Variants in FAM181B observed in about 807,000 individuals in gnomAD.
FAM181B encodes protein FAM181B.
In FAM181B, 13 loss-of-function variants were observed where a neutral mutation model predicts 17.8. That is an observed-to-expected ratio of 0.73 (90% CI 0.48 to 1.16). FAM181B has a LOEUF of 1.16. Among genes scored for constraint, FAM181B ranks in the 50% most tolerant of loss-of-function variants. The pLI, the probability that FAM181B is intolerant of heterozygous loss-of-function variation, is 0.00. For missense variants in FAM181B, 725 were observed against 634.1 expected (o/e 1.14, Z -1.54); for synonymous variants, 338 against 316.5 (o/e 1.07, Z -0.72).
At position 82,732,445 on chromosome 11, in the gene FAM181B, G is replaced by C; in HGVS notation, c.*4C>G. On this transcript the variant is annotated 3_prime_UTR_variant, in exon 1 of 1. Transcript: ENST00000329203. ...TCTCTAATGAAGGGAAGCGTGCCTC[G>C]AAGTCAGTCCCGGTGCGCCCCCTCC... 1 of 1,612,380 alleles carries C rather than the reference G, an allele frequency of 6.2e-7. No individual in the cohort carries two copies. Among genetic ancestry groups the C allele is most frequent in the South Asian group, 1.1e-5 (1 of 90,988 alleles).
In FAM181B at chr11:82,733,162, C is replaced by T; in HGVS notation, c.568G>A (p.Ala190Thr). ...EPAGGEVAAPAAGLGGAGTGG... is the reference protein window; with the variant it reads ...EPAGGEVAAPTAGLGGAGTGG... ...GTGCCCGCACCTCCTAGCCCGGCCG[C>T]CGGCGCAGCCACCTCACCCCCCGCC... Residue 190 changes from alanine (A) to threonine (T), a missense_variant, in exon 1 of 1, where the codon GCG becomes ACG. Transcript: ENST00000329203. The T allele has an allele frequency of 7.1e-7, 1 of 1,399,934 alleles. No individual in the cohort carries two copies. Among genetic ancestry groups the T allele is most frequent in the Non-Finnish European group, 9.2e-7 (1 of 1,085,392 alleles). The allele number at this position is 1,399,934 out of a possible 1,614,324, so 86.7% of individuals were successfully genotyped here. A position where few individuals can be genotyped will look rare whatever the true frequency, so the allele number is the denominator to read the frequency against.
At position 82,733,143 on chromosome 11, in the gene FAM181B, G is replaced by T. The variant is rs1437690931; in HGVS notation, c.587C>A (p.Ala196Glu). Residue 196 changes from alanine (A) to glutamate (E), a missense_variant, in exon 1 of 1, where the codon GCG (alanine) becomes GAG (glutamate). By Grantham distance (107) the Ala-to-Glu change is moderately radical. Transcript: ENST00000329203. ...VAAPAAGLGG[A>E]GTGGAGGDVA... ...GTCCCCTCCCGCGCCCCCAGTGCCC[G>T]CACCTCCTAGCCCGGCCGCCGGCGC... The T allele has an allele frequency of 4.1e-6, 6 of 1,446,436 alleles. No homozygotes were observed. The highest frequency in any genetic ancestry group is 5.5e-5 in the Admixed American group (2 of 36,564). 89.6% of individuals were successfully genotyped at this position (1,446,436 alleles called of 1,614,324 possible). A position where few individuals can be genotyped will look rare whatever the true frequency, so the allele number is the denominator to read the frequency against.
chr11:82,730,488 T>C lies in FAM181B; in HGVS notation c.*1961A>G, dbSNP rs1591001445. ...TTAATGTTTTCCTACTGTGCAAGTG[T>C]ATCCTGGATTGTATTCACAACAGTT... On this transcript the variant is annotated 3_prime_UTR_variant, in exon 1 of 1. Coordinates refer to ENST00000329203, the MANE Select transcript of FAM181B (RefSeq NM_175885.4). 1 of 152,378 alleles carries C rather than the reference T, an allele frequency of 6.6e-6. No individual in the cohort carries two copies. Among genetic ancestry groups the C allele is most frequent in the East Asian group, 1.9e-4 (1 of 5,192 alleles). The allele number at this position is 152,378 out of a possible 1,614,324, so 9.4% of individuals were successfully genotyped here.
chr11:82,732,935 A>C lies in FAM181B; in HGVS notation c.795T>G (p.Phe265Leu). ...LEKGAEAVEF[F>L]ELLGPDYGAG... ...CGCCGTAGTCGGGCCCCAGCAGCTC[A>C]AAGAACTCCACGGCCTCCGCGCCCT... Residue 265 changes from phenylalanine (F) to leucine (L), a missense_variant, in exon 1 of 1, where the codon TTT becomes TTG. By Grantham distance (22) the Phe-to-Leu change is conservative. Transcript: ENST00000329203. 6.3e-7 allele frequency: 1 copy of C among 1,576,726 alleles called. No individual in the cohort carries two copies. Among genetic ancestry groups the C allele is most frequent in the Non-Finnish European group, 8.6e-7 (1 of 1,167,388 alleles).
At position 82,733,705 on chromosome 11, in the gene FAM181B, T is replaced by A; in HGVS notation, c.25A>T (p.Ser9Cys). 6.9e-7 allele frequency: 1 copy of A among 1,458,276 alleles called. No homozygotes were observed. Among genetic ancestry groups the A allele is most frequent in the Non-Finnish European group, 9.0e-7 (1 of 1,105,466 alleles). 90.3% of individuals were successfully genotyped at this position (1,458,276 alleles called of 1,614,324 possible). A position where few individuals can be genotyped will look rare whatever the true frequency, so the allele number is the denominator to read the frequency against. Residue 9 changes from serine (S) to cysteine (C), a missense_variant, in exon 1 of 1, where the codon AGC becomes TGC. Transcript: ENST00000329203. MAVQAALL[S>C]THPFVPFGFG... is the part of the protein sequence containing the mutation. The stretch of plus-strand genomic sequence containing the variant: ...CCGAAGGGCACGAAAGGGTGCGTGC[T>A]GAGGAGCGCCGCCTGCACCGCCATC...
In FAM181B at chr11:82,733,391, G is replaced by A; in HGVS notation, c.339C>T (p.Pro113=). 1.4e-6 allele frequency: 2 copies of A among 1,466,496 alleles called. No individual in the cohort carries two copies. The highest frequency in any genetic ancestry group is 1.3e-5 in the South Asian group (1 of 76,044). 90.8% of individuals were successfully genotyped at this position (1,466,496 alleles called of 1,614,324 possible). A position where few individuals can be genotyped will look rare whatever the true frequency, so the allele number is the denominator to read the frequency against. ...RCSGLMGAAP[P]GPPSPSAADT... ...CGGCGGCGCTCGGGGAGGGCGGGCC[G>A]GGGGGCGCGGCGCCCATGAGGCCGC... is the stretch of plus-strand genomic sequence containing the variant. Residue 113 remains proline (P), a synonymous_variant, in exon 1 of 1, where the codon CCC becomes CCT. Coordinates refer to ENST00000329203, the MANE Select transcript of FAM181B (RefSeq NM_175885.4).
Position 82,733,531 on chromosome 11 carries a change from G to A in FAM181B, c.199C>T (p.Leu67Phe). The part of the protein sequence containing the change: ...GDVREATRDL[L>F]SFIDSASSNI... ...CTGGACGCCGAGTCAATGAAGCTGA[G>A]TAGATCGCGGGTGGCCTCGCGCACG... Residue 67 changes from leucine to phenylalanine, a missense_variant, in exon 1 of 1, where the codon CTC becomes TTC. By Grantham distance (22) the Leu-to-Phe change is conservative. Coordinates refer to ENST00000329203, the MANE Select transcript of FAM181B (RefSeq NM_175885.4). 6.2e-7 allele frequency: 1 copy of A among 1,609,084 alleles called. No homozygotes were observed. Among genetic ancestry groups the A allele is most frequent in the Non-Finnish European group, 8.5e-7 (1 of 1,179,244 alleles).
rs1323928096 is a variant in FAM181B, at chr11:82,730,307, G to C, written c.*2142C>G. 6.6e-6 allele frequency: 1 copy of C among 152,220 alleles called. No homozygotes were observed. Among genetic ancestry groups the C allele is most frequent in the Non-Finnish European group, 1.5e-5 (1 of 68,048 alleles). 9.4% of individuals were successfully genotyped at this position (152,220 alleles called of 1,614,324 possible). ...TCAGTGAGTTAGCTTAAATGCCTGG[G>C]ATGCGGAAACAATGTTGATATTATT... On this transcript the variant is annotated 3_prime_UTR_variant, in exon 1 of 1. Transcript: ENST00000329203.
Position 82,733,793 on chromosome 11 carries a change from C to G in FAM181B, c.-64G>C. 2 of 1,206,712 alleles carry G rather than the reference C, an allele frequency of 1.7e-6. No individual in the cohort carries two copies. The highest frequency in any genetic ancestry group is 1.0e-6 in the Non-Finnish European group (1 of 968,578). The allele number at this position is 1,206,712 out of a possible 1,614,324, so 74.8% of individuals were successfully genotyped here. The stretch of plus-strand genomic sequence containing the variant: ...GCCCCCGCCAGCTCCTGCCCGCCGC[C>G]CAGACCCAGCTCCCGCCCCGGCGCG... On this transcript the variant is annotated 5_prime_UTR_variant, in exon 1 of 1. Coordinates refer to ENST00000329203, the MANE Select transcript of FAM181B (RefSeq NM_175885.4).
At position 82,733,504 on chromosome 11, in the gene FAM181B, T is replaced by C. The variant is rs1326556239; in HGVS notation, c.226A>G (p.Asn76Asp). ...LLSFIDSASSNIKLALDKPGK... is the reference protein window; with the variant it reads ...LLSFIDSASSDIKLALDKPGK... ...GGCTTGTCCAGCGCCAGCTTGATGT[T>C]GCTGGACGCCGAGTCAATGAAGCTG... is the stretch of plus-strand genomic sequence containing the variant. Residue 76 changes from asparagine to aspartate, a missense_variant, in exon 1 of 1, where the codon AAC (asparagine) becomes GAC (aspartate). Transcript: ENST00000329203. 2 of 1,608,232 alleles carry C rather than the reference T, an allele frequency of 1.2e-6. No individual in the cohort carries two copies. Among genetic ancestry groups the C allele is most frequent in the East Asian group, 2.2e-5 (1 of 44,602 alleles).
Position 82,730,103 on chromosome 11 carries a change from A to C in FAM181B, c.*2346T>G, listed in dbSNP as rs1857113008. 1 of 152,150 alleles carries C rather than the reference A, an allele frequency of 6.6e-6. No homozygotes were observed. 9.4% of individuals were successfully genotyped at this position (152,150 alleles called of 1,614,324 possible). A position where few individuals can be genotyped will look rare whatever the true frequency, so the allele number is the denominator to read the frequency against. ...AAGTGCCACACTTTATAACCATCAG[A>C]TCTCATGAGAACTCCCTCACTATCA... On this transcript the variant is annotated 3_prime_UTR_variant, in exon 1 of 1. Coordinates refer to ENST00000329203, the MANE Select transcript of FAM181B (RefSeq NM_175885.4).
In FAM181B at chr11:82,732,838, G is replaced by A; in HGVS notation, c.892C>T (p.Arg298Trp). The change falls in exon 1 of 1, where the codon CGG (arginine) becomes TGG (tryptophan). Residue 298 changes from arginine (R) to tryptophan (W), a missense_variant. By Grantham distance (101) the Arg-to-Trp change is moderately radical. Coordinates refer to ENST00000329203, the MANE Select transcript of FAM181B (RefSeq NM_175885.4). ...CCGGGCTCCAGCTCCGGGGGTCCCC[G>A]CAGTACGGAGGCTCCGGCGGGGAAC... ...DVFPAGASVLRGPPELEPGLF... is the reference protein window; with the variant it reads ...DVFPAGASVLWGPPELEPGLF... 6.5e-7 allele frequency: 1 copy of A among 1,534,242 alleles called. No individual in the cohort carries two copies. Among genetic ancestry groups the A allele is most frequent in the South Asian group, 1.2e-5 (1 of 82,040 alleles).
rs779968719 is a variant in FAM181B, at chr11:82,733,674, C to T, written c.56G>A (p.Gly19Glu). 2 of 1,543,930 alleles carry T rather than the reference C, an allele frequency of 1.3e-6. No homozygotes were observed. Among genetic ancestry groups the T allele is most frequent in the South Asian group, 1.2e-5 (1 of 83,878 alleles). The change falls in exon 1 of 1, where the codon GGG becomes GAG. Residue 19 changes from glycine (G) to glutamate (E), a missense_variant. Physicochemically the swap from Gly to Glu is moderately conservative, Grantham distance 98. Coordinates refer to ENST00000329203, the MANE Select transcript of FAM181B (RefSeq NM_175885.4). ...STHPFVPFGF[G>E]GSPDGLGGAF... is the part of the protein sequence containing the mutation. ...GCCCCCTAGCCCGTCCGGGGAGCCC[C>T]CGAAGCCGAAGGGCACGAAAGGGTG...
chr11:82,732,829 G>C lies in FAM181B; in HGVS notation c.901C>G (p.Pro301Ala). The C allele has an allele frequency of 6.5e-7, 1 of 1,527,130 alleles. No individual in the cohort carries two copies. The highest frequency in any genetic ancestry group is 8.8e-7 in the Non-Finnish European group (1 of 1,136,914). 94.6% of individuals were successfully genotyped at this position (1,527,130 alleles called of 1,614,324 possible). The stretch of plus-strand genomic sequence containing the variant: ...TCAAAGAGGCCGGGCTCCAGCTCCG[G>C]GGGTCCCCGCAGTACGGAGGCTCCG... Reference protein sequence around the residue: ...PAGASVLRGPPELEPGLFEPP... With the variant: ...PAGASVLRGPAELEPGLFEPP... The change falls in exon 1 of 1, where the codon CCG becomes GCG. Residue 301 changes from proline (P) to alanine (A), a missense_variant. Pro to Ala is a conservative substitution (Grantham distance 27). Coordinates refer to ENST00000329203, the MANE Select transcript of FAM181B (RefSeq NM_175885.4).
In FAM181B at chr11:82,733,098, GC is replaced by G; in HGVS notation, c.631del (p.Ala211ProfsTer40). 6.7e-7 allele frequency: 1 copy of G among 1,490,336 alleles called. No homozygotes were observed. The highest frequency in any genetic ancestry group is 1.3e-5 in the South Asian group (1 of 77,810). 92.3% of individuals were successfully genotyped at this position (1,490,336 alleles called of 1,614,324 possible). Reference sequence around the variant, plus strand: ...CTTCCTGGCCCCTGGGATCGCCGTGGCCCCCGCGGGGCCTGCCACGTCCCCT... The same window carrying G: ...CTTCCTGGCCCCTGGGATCGCCGTGGCCCCGCGGGGCCTGCCACGTCCCCT... ...AGGDVAGPAG[A>X]TAIPGARKVP... On this transcript the variant is annotated frameshift_variant, in exon 1 of 1. Transcript: ENST00000329203. LOFTEE classifies it high-confidence loss of function.
At position 82,732,314 on chromosome 11, in the gene FAM181B, TTTA is replaced by T; in HGVS notation, c.*132_*134del. On this transcript the variant is annotated 3_prime_UTR_variant, in exon 1 of 1. Transcript: ENST00000329203. ...TTCATCTCTTTTTTCTGAAGTTGCT[TTTA>T]TTAATTGAATTTTTAAAAATCTGGT... 1.2e-6 allele frequency: 1 copy of T among 852,314 alleles called. No individual in the cohort carries two copies. The highest frequency in any genetic ancestry group is 1.8e-6 in the Non-Finnish European group (1 of 560,550). The allele number at this position is 852,314 out of a possible 1,614,324, so 52.8% of individuals were successfully genotyped here.
At position 82,733,609 on chromosome 11, in the gene FAM181B, C is replaced by G. The variant is rs371315457; in HGVS notation, c.121G>C (p.Asp41His). The G allele has an allele frequency of 2.6e-5, 41 of 1,603,064 alleles. No individual in the cohort carries two copies. The Middle Eastern group carries it at 8.3e-4, about 32-fold the overall frequency. Residue 41 changes from aspartate (D) to histidine (H), a missense_variant, in exon 1 of 1, where the codon GAT becomes CAT. Coordinates refer to ENST00000329203, the MANE Select transcript of FAM181B (RefSeq NM_175885.4). ...GCACCCGCCGGAGCCCCGGTCTCAT[C>G]GTCCTCGAAACAGCAGCCCTTGTCC... ...ALDKGCCFED[D>H]ETGAPAGALL...
Position 82,733,085 on chromosome 11 carries a change from T to G in FAM181B, c.645A>C (p.Pro215=), listed in dbSNP as rs1235173189. Residue 215 remains proline, a synonymous_variant, in exon 1 of 1, where the codon CCA becomes CCC. Transcript: ENST00000329203. The part of the protein sequence containing the change: ...VAGPAGATAI[P]GARKVPLRAR... ...CCCGCAGCGGGACCTTCCTGGCCCC[T>G]GGGATCGCCGTGGCCCCCGCGGGGC... The G allele has an allele frequency of 1.3e-6, 2 of 1,506,580 alleles. No individual in the cohort carries two copies. The highest frequency in any genetic ancestry group is 2.9e-5 in the African/African-American group (2 of 69,170). The allele number at this position is 1,506,580 out of a possible 1,614,324, so 93.3% of individuals were successfully genotyped here. A position where few individuals can be genotyped will look rare whatever the true frequency, so the allele number is the denominator to read the frequency against.
At position 82,733,166 on chromosome 11, in the gene FAM181B, C is replaced by T; in HGVS notation, c.564G>A (p.Ala188=). The stretch of plus-strand genomic sequence containing the variant: ...CCGCACCTCCTAGCCCGGCCGCCGG[C>T]GCAGCCACCTCACCCCCCGCCGGCT... ...GAEPAGGEVA[A]PAAGLGGAGT... The change falls in exon 1 of 1, where the codon GCG becomes GCA. Residue 188 remains alanine (A), a synonymous_variant. Coordinates refer to ENST00000329203, the MANE Select transcript of FAM181B (RefSeq NM_175885.4). 1 of 1,395,598 alleles carries T rather than the reference C, an allele frequency of 7.2e-7. No individual in the cohort carries two copies. Among genetic ancestry groups the T allele is most frequent in the South Asian group, 1.6e-5 (1 of 62,390 alleles). The allele number at this position is 1,395,598 out of a possible 1,614,324, so 86.5% of individuals were successfully genotyped here.
Sources: gnomAD v4.1 joint callset for allele counts on GRCh38, gnomAD v4.1.1 for gene constraint, MANE v1.5 for transcripts, NCBI Gene and HGNC (gene_info 2026-07-23, HGNC 2026-07-21) for gene names.